A1CF: variants seen among roughly 807,000 people sequenced by gnomAD.
A1CF encodes the protein APOBEC-1 stimulating protein.
Under a neutral mutation model 68.9 loss-of-function variants are expected in A1CF, and 48 were observed. The ratio of observed to expected loss-of-function variants is 0.70; its 90% CI spans 0.55 to 0.89. The LOEUF is 0.89. Ranked by LOEUF, A1CF falls within the 40% of genes least tolerant of loss-of-function variation. The probability of loss-of-function intolerance (pLI) is 0.00; values close to 1 mark genes in which losing one functional copy is unlikely to be tolerated. For missense variants in A1CF, 653 were observed against 718.9 expected (o/e 0.91, Z 1.05); for synonymous variants, 272 against 260.4 (o/e 1.04, Z -0.43).
At chr10:50,849,009 T>C (rs1840119427) in intron 3 of A1CF, among the ~76,000 whole-genome samples, 1 of 152,180 alleles carries the variant, frequency 6.6e-6, no homozygotes, top group African/African-American at 2.4e-5. Context: ...TGTTGATTTG[T>C]GAAATTGAAT....
chr10:50,871,981 A>T (rs6479767), intron 1 of A1CF, among the ~76,000 whole-genome samples: 150,302 of 152,152 alleles, frequency 0.99, 74,268 homozygotes, highest in East Asian at 1. Flanking sequence ...GTCTACAGAC[A>T]GGAAGAGAAT....
intron 4 of A1CF, among the ~76,000 whole-genome samples, chr10:50,842,819 G>T (rs1296141210): frequency 6.6e-6 from 1 of 152,134 alleles, no homozygotes; most frequent in East Asian, 1.9e-4. Context: ...GGGATGATCT[G>T]GGAGGCTTGT....
chr10:50,843,405 A>G (rs759866005), intron 4 of A1CF, among the ~76,000 whole-genome samples: 3 of 152,192 alleles, frequency 2.0e-5, no homozygotes, highest in Non-Finnish European at 2.9e-5. Flanking sequence ...ATATTTACTA[A>G]ATTTTTCAGG....
chr10:50,837,874 TA>T (rs1839579993), intron 5 of A1CF, among the ~76,000 whole-genome samples: 1 of 152,230 alleles, frequency 6.6e-6, no homozygotes, highest in East Asian at 1.9e-4. Flanking sequence ...TGCTAGGCTT[TA>T]AAAGGCTATA....
At chr10:50,878,090 C>G (rs1841599082) in intron 1 of A1CF, among the ~76,000 whole-genome samples, 1 of 152,048 alleles carries the variant, frequency 6.6e-6, no homozygotes, top group African/African-American at 2.4e-5. Flanking sequence ...CTACTACACT[C>G]CAGCCTGGGT....
intron 6 of A1CF, among the ~76,000 whole-genome samples, chr10:50,828,878 T>C (rs993052821): frequency 1.3e-5 from 2 of 152,134 alleles, no homozygotes; most frequent in African/African-American, 2.4e-5. Flanking sequence ...TCCCTCTTAA[T>C]CCTCTTTCAC....
intron 5 of A1CF, among the ~76,000 whole-genome samples, chr10:50,838,498 G>C (rs576153855): frequency 7.2e-5 from 11 of 152,230 alleles, no homozygotes; most frequent in Non-Finnish European, 1.5e-4. Flanking sequence ...CCAGCAGGAG[G>C]AGCCTAGAAT....
intron 9 of A1CF, among the ~76,000 whole-genome samples, chr10:50,814,610 A>T (rs1250709176): frequency 6.6e-6 from 1 of 152,196 alleles, no homozygotes; most frequent in African/African-American, 2.4e-5. Context: ...TTAAATTTCC[A>T]TTGAGTTTCA....
intron 1 of A1CF, among the ~76,000 whole-genome samples, chr10:50,873,459 G>A (rs950095431): frequency 6.6e-6 from 1 of 152,136 alleles, no homozygotes; most frequent in African/African-American, 2.4e-5. Flanking sequence ...CAGGGAATGA[G>A]TAAGGTCTTC....
chr10:50,807,526 G>A (rs1172930125), intron 12 of A1CF, among the ~76,000 whole-genome samples: 2 of 152,140 alleles, frequency 1.3e-5, no homozygotes, highest in African/African-American at 2.4e-5. Context: ...CATCAAGCCT[G>A]TGCTTGTTGT....
intron 7 of A1CF, among the ~76,000 whole-genome samples, 166 bp downstream of exon 7, chr10:50,827,965 G>A (rs895814920): frequency 3.9e-5 from 6 of 152,044 alleles, no homozygotes; most frequent in Admixed American, 6.6e-5. Flanking sequence ...TATCGCCACC[G>A]ATCCCACAGA....
rs572034060 is a variant in A1CF, at chr10:50,812,755, A to G, written c.1323+1102T>C. 4.6e-5 allele frequency among the ~76,000 whole-genome samples: 7 copies of G among 152,296 alleles called. No homozygotes were observed. In the East Asian group the frequency reaches 1.4e-3, roughly 29 times the overall value. ...GGATTGCCATCTAATTTTTCATGAT[A>G]AGGATTTTGTTATATTCACTTCTAC... On this transcript the variant is annotated intron_variant, in intron 10 of 12. Coordinates refer to ENST00000373997, the MANE Select transcript of A1CF (RefSeq NM_014576.4).
chr10:50,840,227 T>G (rs1317231485), intron 5 of A1CF, among the ~76,000 whole-genome samples: 1 of 150,496 alleles, frequency 6.6e-6, no homozygotes, highest in Non-Finnish European at 1.5e-5. Context: ...GGGGATAAGA[T>G]GTAAAAAAAA....
At chr10:50,865,697 C>T (rs987227327) in intron 1 of A1CF, among the ~76,000 whole-genome samples, 9 of 152,132 alleles carry the variant, frequency 5.9e-5, no homozygotes, top group African/African-American at 9.7e-5. Flanking sequence ...TCCCATGCCT[C>T]CTAACTTTGC....
chr10:50,862,691 A>C (rs1349879767), intron 2 of A1CF, among the ~76,000 whole-genome samples: 1 of 152,210 alleles, frequency 6.6e-6, no homozygotes, highest in Non-Finnish European at 1.5e-5. Flanking sequence ...TGTACTTTGC[A>C]AAAGGCAAAA....
chr10:50,883,143 T>A (rs1841857703), intron 1 of A1CF, among the ~76,000 whole-genome samples: 1 of 152,252 alleles, frequency 6.6e-6, no homozygotes, highest in Non-Finnish European at 1.5e-5. Flanking sequence ...TTATTAGTAT[T>A]GTTTTGAAAA....
intron 3 of A1CF, among the ~76,000 whole-genome samples, chr10:50,848,707 A>G (rs563744523): frequency 2.6e-5 from 4 of 152,168 alleles, no homozygotes; most frequent in African/African-American, 9.6e-5. Context: ...GAGGGAAGAA[A>G]CTGTGTATTT....
intron 8 of A1CF, among the ~76,000 whole-genome samples, chr10:50,816,968 G>A (rs1381717270): frequency 6.6e-6 from 1 of 152,198 alleles, no homozygotes; most frequent in African/African-American, 2.4e-5. Flanking sequence ...AGGGATGACA[G>A]GGGTCAGGAG....
At chr10:50,832,015 A>G (rs1028025838) in intron 6 of A1CF, among the ~76,000 whole-genome samples, 1 of 152,186 alleles carries the variant, frequency 6.6e-6, no homozygotes, top group Non-Finnish European at 1.5e-5. Flanking sequence ...AGGTTCCTCA[A>G]AAAAATAAAA....
Sources: allele counts gnomAD v4.1 joint callset (sites outside exome capture counted in the v4.1 genomes callset), GRCh38; gene constraint gnomAD v4.1.1; transcripts MANE v1.5; gene names NCBI Gene and HGNC (gene_info 2026-07-23, HGNC 2026-07-21).